TTC3: variants seen among roughly 807,000 people sequenced by gnomAD.
TTC3 encodes the protein E3 ubiquitin-protein ligase TTC3.
In TTC3, 180 loss-of-function variants were observed where a neutral mutation model predicts 249.6. The ratio of observed to expected loss-of-function variants is 0.72; its 90% CI spans 0.64 to 0.82. TTC3 has a LOEUF of 0.82. TTC3 is among the 40% of genes least tolerant of loss of function. The pLI is 0.00. For synonymous variants in TTC3, 717 were observed against 805.0 expected, an observed-to-expected ratio of 0.89 and a Z score of 1.85; for missense variants, 2,061 against 2,398.4, an observed-to-expected ratio of 0.86 and a Z score of 2.94.
intron 7 of TTC3, 161 bp downstream of exon 7, chr21:37,091,574 T>TATTTATTTA (rs2073278489): frequency 4.8e-6 from 1 of 209,996 alleles, no homozygotes; most frequent in South Asian, 1.7e-4. Context: ...TTTTATTATT[T>TATTTATTTA]ATTTATTTAT....
chr21:37,147,747 T>TTG, intron 22 of TTC3, 144 bp downstream of exon 22: 2 of 879,484 alleles, frequency 2.3e-6, no homozygotes, highest in African/African-American at 3.6e-5. Flanking sequence ...TTTTTTTTTT[T>TTG]GAGATAAGTC....
intron 30 of TTC3, among the ~76,000 whole-genome samples, chr21:37,161,302 G>A (rs2080720492): frequency 6.6e-6 from 1 of 152,020 alleles, no homozygotes; most frequent in Non-Finnish European, 1.5e-5. Context: ...TTGAGACAGG[G>A]TCTCCTTCTC....
chr21:37,130,417 A>G (rs1569001596), intron 16 of TTC3, among the ~76,000 whole-genome samples: 2 of 152,178 alleles, frequency 1.3e-5, no homozygotes, highest in South Asian at 4.1e-4. Flanking sequence ...TTTTTCTGAT[A>G]TTTTGTTTCA....
chr21:37,116,471 A>T (rs1331329139), intron 11 of TTC3, among the ~76,000 whole-genome samples: 1 of 152,146 alleles, frequency 6.6e-6, no homozygotes, highest in East Asian at 1.9e-4. Context: ...TCTGTGTATT[A>T]GTCTCTGTAT....
At chr21:37,154,933 G>A (rs1444161355) in intron 27 of TTC3, among the ~76,000 whole-genome samples, 1 of 152,150 alleles carries the variant, frequency 6.6e-6, no homozygotes, top group Non-Finnish European at 1.5e-5. Context: ...CTGACCTCGT[G>A]ATCTGCCCAC....
At chr21:37,073,383 C>T in intron 1 of TTC3, 1 of 983,590 alleles carries the variant, frequency 1.0e-6, no homozygotes, top group Non-Finnish European at 1.2e-6. Flanking sequence ...ACACCCGGCG[C>T]GCTGCCGGGC....
intron 10 of TTC3, among the ~76,000 whole-genome samples, chr21:37,097,051 T>C (rs937285790): frequency 2.6e-5 from 4 of 152,230 alleles, no homozygotes; most frequent in African/African-American, 9.6e-5. Flanking sequence ...CTCTGTTAAT[T>C]AATCCATATA....
intron 1 of TTC3, 188 bp from the exon 2 acceptor site, chr21:37,087,059 A>T: frequency 3.3e-6 from 2 of 605,766 alleles, no homozygotes; most frequent in Non-Finnish European, 5.7e-6. Flanking sequence ...AGATTAAATT[A>T]TCTGGAGAGA....
intron 11 of TTC3, among the ~76,000 whole-genome samples, chr21:37,120,121 C>T (rs145804728): frequency 6.6e-6 from 1 of 152,280 alleles, no homozygotes; most frequent in Non-Finnish European, 1.5e-5. Flanking sequence ...ACTGACAGTC[C>T]TGCTGTTACT....
At chr21:37,135,785 T>G (rs2077878320) in intron 18 of TTC3, among the ~76,000 whole-genome samples, 1 of 152,198 alleles carries the variant, frequency 6.6e-6, no homozygotes, top group Non-Finnish European at 1.5e-5. Flanking sequence ...TCAACTATCT[T>G]TAGTCACACC....
At chr21:37,189,119 A>G (rs1210067346) in intron 39 of TTC3, among the ~76,000 whole-genome samples, 1 of 152,182 alleles carries the variant, frequency 6.6e-6, no homozygotes, top group African/African-American at 2.4e-5. Context: ...AGGCTTTTAA[A>G]ATTTTTTGCC....
chr21:37,165,897 C>T lies in TTC3; in HGVS notation c.3683C>T (p.Ser1228Leu), dbSNP rs79091348. 568 of 1,614,232 alleles carry T rather than the reference C, an allele frequency of 3.5e-4. 6 individuals carry two copies. The East Asian group carries it at 0.013, about 36-fold the overall frequency. Residue 1228 changes from serine (S) to leucine (L), a missense_variant, in exon 33 of 46, where the codon TCA (serine) becomes TTA (leucine). By Grantham distance (145) the Ser-to-Leu change is moderately radical (BLOSUM62 -2). Coordinates refer to ENST00000355666, the Ensembl canonical transcript of TTC3. ...TCTAAACCAGTGTCAGATTCATCTT[C>T]AGCACCAGCTTTTGAAAATGTGAAA...
chr21:37,148,598 A>G (rs755919496), exon 23 of TTC3: 2 of 1,606,934 alleles, frequency 1.2e-6, no homozygotes, highest in Non-Finnish European at 8.5e-7. Context: ...TTTCACATGA[A>G]TTGCTGGAAG....
At chr21:37,165,227 G>A (rs1015506461) in intron 32 of TTC3, among the ~76,000 whole-genome samples, 7 of 152,028 alleles carry the variant, frequency 4.6e-5, no homozygotes, top group African/African-American at 1.7e-4. Flanking sequence ...TATCTTTCCT[G>A]AATAAATTTT....
intron 1 of TTC3, among the ~76,000 whole-genome samples, chr21:37,073,847 T>TGCGCGTCCCCTAGCGCGCGTGGCC (rs2070402715): frequency 6.6e-6 from 1 of 152,198 alleles, no homozygotes; most frequent in South Asian, 2.1e-4. Context: ...GTCTGTGGGC[T>TGCGCGTCCCCTAGCGCGCGTGGCC]GCGCGTCCCC....
intron 9 of TTC3, 162 bp downstream of exon 9, chr21:37,095,606 G>C (rs550277955): frequency 2.1e-6 from 1 of 484,612 alleles, no homozygotes; most frequent in Non-Finnish European, 3.6e-6. Context: ...GAGATGGCCT[G>C]GGTATATGAA....
At chr21:37,184,304 A>G (rs1458719172) in intron 36 of TTC3, among the ~76,000 whole-genome samples, 1 of 152,174 alleles carries the variant, frequency 6.6e-6, no homozygotes, top group East Asian at 1.9e-4. Flanking sequence ...AGAGGCTGTT[A>G]ATGATAAGAA....
At chr21:37,185,367 CT>C (rs2148165988) in intron 36 of TTC3, among the ~76,000 whole-genome samples, 2 of 152,322 alleles carry the variant, frequency 1.3e-5, no homozygotes, top group South Asian at 4.1e-4. Flanking sequence ...TCCACATCTT[CT>C]CATTTTGAAT....
chr21:37,144,531 A>G, exon 21 of TTC3: 1 of 1,609,100 alleles, frequency 6.2e-7, no homozygotes, highest in Non-Finnish European at 8.5e-7. Flanking sequence ...TTAGATTTCT[A>G]GAAGCTCTCA....
Sources: gnomAD v4.1 joint callset for allele counts (sites outside exome capture counted in the v4.1 genomes callset) on GRCh38, gnomAD v4.1.1 for gene constraint, MANE v1.5 for transcripts, NCBI Gene and HGNC (gene_info 2026-07-23, HGNC 2026-07-21) for gene names.